Variants in DHX15 observed in about 807,000 individuals in gnomAD.
DHX15 encodes DEAH-box helicase 15, also known as ATP-dependent RNA helicase DHX15.
In DHX15, 11 loss-of-function variants were observed where a neutral mutation model predicts 94.4. The ratio of observed to expected loss-of-function variants is 0.12; its 90% CI spans 0.07 to 0.19. DHX15 has a LOEUF of 0.19. Among genes scored for constraint, DHX15 ranks in the 10% least tolerant of loss-of-function variants. DHX15 has a pLI of 1.00. For missense variants in DHX15, 304 were observed against 988.5 expected (o/e 0.31, Z 9.29); for synonymous variants, 338 against 329.9 (o/e 1.02, Z -0.27).
chr4:24,576,321 C>T lies in DHX15; in HGVS notation c.429G>A (p.Lys143=), dbSNP rs917202722. Residue 143 remains lysine, a synonymous_variant, in exon 2 of 14, where the codon AAG becomes AAA. Transcript: ENST00000336812. ...TAACCAGAATATCTGTAAACCTATC[C>T]TTGTATTCCCAAACAGGGAGCTGAA... ...KRLQLPVWEY[K]DRFTDILVRH... 1.3e-5 allele frequency: 21 copies of T among 1,614,076 alleles called. No individual in the cohort carries two copies. In the African/African-American group the frequency reaches 2.4e-4, roughly 18 times the overall value.
chr4:24,554,313 A>C (rs952474252), intron 5 of DHX15, among the ~76,000 whole-genome samples: 1 of 152,234 alleles, frequency 6.6e-6, no homozygotes, highest in Admixed American at 6.5e-5. Context: ...TTTCATGAGC[A>C]TATGGGAAGA....
At chr4:24,542,875 A>T in intron 7 of DHX15, 65 bp downstream of exon 7, 1 of 1,165,918 alleles carries the variant, frequency 8.6e-7, no homozygotes, top group Non-Finnish European at 1.2e-6. Flanking sequence ...TTTAGCCATT[A>T]AATGAATTGG....
chr4:24,553,959 C>T (rs1330152157), intron 5 of DHX15, among the ~76,000 whole-genome samples: 2 of 152,176 alleles, frequency 1.3e-5, no homozygotes, highest in Non-Finnish European at 2.9e-5. Flanking sequence ...TGGCTCACGC[C>T]TGTAATCCCA....
intron 3 of DHX15, among the ~76,000 whole-genome samples, chr4:24,562,263 G>T (rs1721891811): frequency 6.6e-6 from 1 of 151,754 alleles, no homozygotes; most frequent in Non-Finnish European, 1.5e-5. Flanking sequence ...CCTGAAAAAG[G>T]CATCTATTAT....
intron 5 of DHX15, 36 bp from the exon 6 acceptor site, chr4:24,549,058 A>C: frequency 6.5e-7 from 1 of 1,549,284 alleles, no homozygotes; most frequent in Non-Finnish European, 8.8e-7. Context: ...ACGAATACTG[A>C]AACATTTTAA....
In DHX15 at chr4:24,531,038, A is replaced by T. The variant is rs191691082; in HGVS notation, c.2101-1268T>A. Among the ~76,000 whole-genome samples the T allele has an allele frequency of 1.5e-4, 23 of 152,320 alleles. No individual in the cohort carries two copies. The East Asian group carries it at 4.3e-3, about 28-fold the overall frequency. On this transcript the variant is annotated intron_variant, in intron 12 of 13. Transcript: ENST00000336812. ...TCTGTGGTGCCTAGCTGTTTGTAAC[A>T]AATTTTAATCTACATAATTAAGAAG...
chr4:24,581,962 C>A (rs565133564), intron 1 of DHX15, among the ~76,000 whole-genome samples: 1 of 152,202 alleles, frequency 6.6e-6, no homozygotes, highest in East Asian at 1.9e-4. Flanking sequence ...TAAGTGAAAT[C>A]TCCCACTGAA....
At chr4:24,548,588 T>C (rs185332597) in intron 6 of DHX15, among the ~76,000 whole-genome samples, 1 of 152,336 alleles carries the variant, frequency 6.6e-6, no homozygotes, top group Admixed American at 6.5e-5. Context: ...AGTGATTTAA[T>C]AGGAGAAAAG....
At chr4:24,533,391 A>G (rs1478605792) in intron 11 of DHX15, 4 of 347,710 alleles carry the variant, frequency 1.2e-5, no homozygotes, top group African/African-American at 2.1e-5. Flanking sequence ...AGTATTTGGT[A>G]AAAGTCATGG....
intron 6 of DHX15, among the ~76,000 whole-genome samples, chr4:24,547,903 G>GTA (rs869194543): frequency 6.5e-4 from 46 of 70,698 alleles, no homozygotes; most frequent in African/African-American, 2.4e-3. Flanking sequence ...GTATGTATGT[G>GTA]TATATATATA....
At chr4:24,548,692 C>T (rs1577338865) in intron 6 of DHX15, among the ~76,000 whole-genome samples, 163 bp downstream of exon 6, 1 of 152,214 alleles carries the variant, frequency 6.6e-6, no homozygotes, top group Admixed American at 6.5e-5. Context: ...CTCATTCTTA[C>T]TTTAGGGTCA....
At chr4:24,547,929 A>ATATCTC (rs1560765873) in intron 6 of DHX15, among the ~76,000 whole-genome samples, 2 of 41,030 alleles carry the variant, frequency 4.9e-5, no homozygotes, top group African/African-American at 2.1e-4. Context: ...ATATATATAT[A>ATATCTC]TATATATATA....
At chr4:24,530,227 A>G (rs1220816754) in intron 12 of DHX15, 3 of 192,802 alleles carry the variant, frequency 1.6e-5, no homozygotes, top group Non-Finnish European at 2.1e-5. Flanking sequence ...GCCTGAGACC[A>G]TCTAGAGCAG....
At chr4:24,528,369 A>G (rs115668432) in intron 13 of DHX15, among the ~76,000 whole-genome samples, 1,757 of 152,310 alleles carry the variant, frequency 0.012, 32 homozygotes, top group African/African-American at 0.04. Context: ...CTCCAAGGAT[A>G]TAGTAATATA....
At chr4:24,552,719 C>T (rs558011791) in intron 5 of DHX15, among the ~76,000 whole-genome samples, 4 of 152,326 alleles carry the variant, frequency 2.6e-5, no homozygotes, top group African/African-American at 9.6e-5. Context: ...CTGCTACCTT[C>T]TCCCCAAAAC....
chr4:24,544,883 AG>A (rs1395297697), intron 6 of DHX15, among the ~76,000 whole-genome samples: 6 of 152,078 alleles, frequency 3.9e-5, no homozygotes, highest in African/African-American at 1.4e-4. Flanking sequence ...AAGGCCAAGG[AG>A]GATTATTTGA....
intron 11 of DHX15, among the ~76,000 whole-genome samples, chr4:24,535,766 C>G (rs1157121898): frequency 6.6e-6 from 1 of 152,106 alleles, no homozygotes; most frequent in Non-Finnish European, 1.5e-5. Context: ...TTCTGGACCC[C>G]AAGACAAATA....
At chr4:24,548,745 T>A (rs2109402440) in intron 6 of DHX15, 110 bp downstream of exon 6, 1 of 1,048,700 alleles carries the variant, frequency 9.5e-7, no homozygotes, top group Middle Eastern at 3.1e-4. Flanking sequence ...TTTTGTTGTA[T>A]AAAACCTAGA....
intron 1 of DHX15, among the ~76,000 whole-genome samples, chr4:24,579,160 G>C (rs572504386): frequency 1.3e-5 from 2 of 152,314 alleles, no homozygotes; most frequent in East Asian, 3.9e-4. Flanking sequence ...AATCACCATT[G>C]CAAGACACTG....
Sources: allele counts gnomAD v4.1 joint callset (sites outside exome capture counted in the v4.1 genomes callset), GRCh38; gene constraint gnomAD v4.1.1; transcripts MANE v1.5; gene names NCBI Gene and HGNC (gene_info 2026-07-23, HGNC 2026-07-21).